The following CELF2 variants were observed in gnomAD, a reference collection of about 807,000 sequenced individuals.
The protein encoded by CELF2 is CUG triplet repeat RNA-binding protein 2.
A neutral mutation model predicts 62.6 loss-of-function variants in CELF2; 8 were observed. The observed-to-expected ratio is 0.13, with a 90% CI of 0.07 to 0.23. CELF2 has a LOEUF of 0.23. CELF2 is among the 10% of genes least tolerant of loss of function. The probability of loss-of-function intolerance (pLI) is 1.00; values close to 1 mark genes in which losing one functional copy is unlikely to be tolerated. For missense variants in CELF2, 333 were observed against 671.0 expected (o/e 0.50, Z 5.56); for synonymous variants, 258 against 250.0 (o/e 1.03, Z -0.30).
chr10:11,238,157 AAT>A (rs1320541876), intron 3 of CELF2, among the ~76,000 whole-genome samples: 1 of 152,226 alleles, frequency 6.6e-6, no homozygotes, highest in East Asian at 1.9e-4. Flanking sequence ...GTCAGAAAGG[AAT>A]CATGGCTGAG....
the CELF2 span, among the ~76,000 whole-genome samples, chr10:10,544,447 G>A: frequency 7.2e-5 from 11 of 152,316 alleles, no homozygotes; most frequent in East Asian, 3.9e-4. Flanking sequence ...ACGGGTTTTC[G>A]CTCTGCGCTT....
At chr10:11,213,379 C>A (rs2062438598) in intron 2 of CELF2, among the ~76,000 whole-genome samples, 1 of 152,226 alleles carries the variant, frequency 6.6e-6, no homozygotes, top group Non-Finnish European at 1.5e-5. Context: ...ACCTGAGTTA[C>A]AGCTGGCGTG....
rs1370871909 is a variant in CELF2, at chr10:11,300,807, G to T, written c.976+12255G>T. ...GGGCTCCAGTGTCCTGAGTATGTTTGGTCAATGCAGGCGATTTTCTCCGTG... is the reference window on the plus strand; with the variant it reads ...GGGCTCCAGTGTCCTGAGTATGTTTTGTCAATGCAGGCGATTTTCTCCGTG... On this transcript the variant is annotated intron_variant, in intron 9 of 12. Transcript: ENST00000633077. The surrounding 1 kb of genome is among the most constrained non-coding windows in gnomAD (Gnocchi z 5.5). Among the ~76,000 whole-genome samples the T allele has an allele frequency of 6.6e-6, 1 of 152,144 alleles. No individual in the cohort carries two copies. Among genetic ancestry groups the T allele is most frequent in the Non-Finnish European group, 1.5e-5 (1 of 68,030 alleles).
At chr10:10,743,035 C>T in the CELF2 span, among the ~76,000 whole-genome samples, 1 of 152,212 alleles carries the variant, frequency 6.6e-6, no homozygotes, top group Non-Finnish European at 1.5e-5. Flanking sequence ...ACTTTCTGAG[C>T]ACCTACTATG....
chr10:11,011,367 A>AC lies in CELF2; in HGVS notation c.53+5927_53+5928insC. The stretch of plus-strand genomic sequence containing the variant: ...GGGTCAAGTGGCGAGATGCAGAGAC[A>AC]GGGGAGTTGAGCTGGGCCCTGAAGG... On this transcript the variant is annotated intron_variant, in intron 1 of 12. Coordinates refer to the CELF2 transcript ENST00000416382. The surrounding 1 kb of genome is among the most constrained non-coding windows in gnomAD (Gnocchi z 4.6). Among the ~76,000 whole-genome samples the AC allele has an allele frequency of 6.6e-6, 1 of 151,828 alleles. No individual in the cohort carries two copies. The highest frequency in any genetic ancestry group is 1.5e-5 in the Non-Finnish European group (1 of 67,930).
intron 8 of CELF2, among the ~76,000 whole-genome samples, chr10:11,281,552 C>T (rs538264435): frequency 1.3e-4 from 20 of 152,158 alleles, no homozygotes; most frequent in African/African-American, 4.1e-4. Context: ...ACTTGAGCCC[C>T]GGAGTTCCCG....
At chr10:10,502,108 C>A in the CELF2 span, among the ~76,000 whole-genome samples, 2 of 151,990 alleles carry the variant, frequency 1.3e-5, no homozygotes, top group Admixed American at 6.6e-5. Flanking sequence ...TTGAAATAAA[C>A]CCTATTTAGT....
At chr10:11,136,384 C>G (rs906125356) in intron 1 of CELF2, among the ~76,000 whole-genome samples, 7 of 152,146 alleles carry the variant, frequency 4.6e-5, no homozygotes, top group Admixed American at 3.9e-4. Context: ...GGGTGGATCA[C>G]CTGAGGTCAG....
At chr10:10,890,577 T>G (rs549412588) in intron 1 of CELF2, among the ~76,000 whole-genome samples, 109 of 152,348 alleles carry the variant, frequency 7.2e-4, no homozygotes, top group African/African-American at 2.4e-3. Flanking sequence ...GAAAGTAAAC[T>G]TCGTTTGAAG....
At chr10:11,153,849 T>C (rs2063797165) in intron 1 of CELF2, among the ~76,000 whole-genome samples, 1 of 152,216 alleles carries the variant, frequency 6.6e-6, no homozygotes, top group Non-Finnish European at 1.5e-5. Flanking sequence ...TACAGTTTTT[T>C]CCCCTTGGTA....
the CELF2 span, among the ~76,000 whole-genome samples, chr10:10,467,213 T>G: frequency 6.6e-6 from 1 of 152,096 alleles, no homozygotes; most frequent in East Asian, 1.9e-4. Flanking sequence ...TTTTATAATT[T>G]CAGTGTTCAC....
At chr10:11,042,271 T>A (rs2061977363) in intron 1 of CELF2, among the ~76,000 whole-genome samples, 1 of 152,232 alleles carries the variant, frequency 6.6e-6, no homozygotes, top group African/African-American at 2.4e-5. Flanking sequence ...CTGTTTTGTG[T>A]TGAATAACTT....
chr10:11,205,440 T>A (rs1006771186), intron 2 of CELF2, among the ~76,000 whole-genome samples: 2 of 152,214 alleles, frequency 1.3e-5, no homozygotes, highest in Non-Finnish European at 2.9e-5. Flanking sequence ...GCTGCTAACA[T>A]TTACTAAGCA....
intron 4 of CELF2, among the ~76,000 whole-genome samples, chr10:11,249,738 G>A (rs998609350): frequency 5.3e-5 from 8 of 152,138 alleles, no homozygotes; most frequent in South Asian, 2.1e-4. Flanking sequence ...TTAAATAAGC[G>A]TACACTTGGT....
intron 1 of CELF2, among the ~76,000 whole-genome samples, chr10:11,043,809 C>T (rs951094021): frequency 1.3e-5 from 2 of 152,204 alleles, no homozygotes; most frequent in Non-Finnish European, 2.9e-5. Context: ...CATCTCTCAC[C>T]TGGACTTGAG....
At chr10:11,272,067 C>CCCCAGTG (rs1173658764) in intron 7 of CELF2, among the ~76,000 whole-genome samples, 7 of 152,138 alleles carry the variant, frequency 4.6e-5, no homozygotes, top group African/African-American at 9.7e-5. Context: ...GCTGCCCCAC[C>CCCCAGTG]CCCAGTGCCC....
At chr10:11,225,578 G>A (rs1036664851) in intron 3 of CELF2, among the ~76,000 whole-genome samples, 1 of 152,176 alleles carries the variant, frequency 6.6e-6, no homozygotes, top group Non-Finnish European at 1.5e-5. Flanking sequence ...GAGATTGTCT[G>A]GGCATCTGCT....
the CELF2 span, among the ~76,000 whole-genome samples, chr10:10,521,945 G>C: frequency 9.2e-5 from 14 of 152,118 alleles, no homozygotes; most frequent in African/African-American, 3.1e-4. Flanking sequence ...GGAATGAATG[G>C]GGGTAACGGG....
the CELF2 span, among the ~76,000 whole-genome samples, chr10:10,467,207 A>T: frequency 6.6e-6 from 1 of 152,090 alleles, no homozygotes; most frequent in Non-Finnish European, 1.5e-5. Context: ...TATAAATTTT[A>T]TAATTTCAGT....
Sources: allele counts gnomAD v4.1 joint callset (sites outside exome capture counted in the v4.1 genomes callset), GRCh38; gene constraint gnomAD v4.1.1; non-coding constraint Gnocchi (gnomAD v3.1); transcripts MANE v1.5; gene names NCBI Gene and HGNC (gene_info 2026-07-23, HGNC 2026-07-21).